The following AKAP9 variants were observed in gnomAD, a reference collection of about 807,000 sequenced individuals.
The protein encoded by AKAP9 is A-kinase anchoring protein 9.
AKAP9 carries 311 observed loss-of-function variants against 488.5 expected under a neutral mutation model. The observed-to-expected ratio is 0.64, with a 90% confidence interval of 0.58 to 0.70. The LOEUF is 0.70. AKAP9 is among the 30% of genes least tolerant of loss of function. The pLI, the probability that AKAP9 is intolerant of heterozygous loss-of-function variation, is 0.00. For missense variants in AKAP9, 4,215 were observed against 4,374.5 expected, an observed-to-expected ratio of 0.96 and a Z score of 1.03; for synonymous variants, 1,462 against 1,483.5, an observed-to-expected ratio of 0.99 and a Z score of 0.33.
At chr7:91,980,153 G>A in intron 2 of AKAP9, 136 bp from the exon 3 acceptor site, 1 of 493,262 alleles carries the variant, frequency 2.0e-6, no homozygotes, top group South Asian at 3.7e-5. Context: ...TTAAAGATTT[G>A]AGTAATTTTT....
chr7:91,941,914 A>ATGTG lies in AKAP9; in HGVS notation c.48+767_48+768insTGTG, dbSNP rs1584499302. ...TGTGTGTGTGTGTGTGTGTGTGTGA[A>ATGTG]CGGTTATGGAAAAGCCTGTAAAGCA... On this transcript the variant is annotated intron_variant, in intron 1 of 49. Coordinates refer to ENST00000356239, the MANE Select transcript of AKAP9 (RefSeq NM_005751.5). Among the ~76,000 whole-genome samples, 8 of 89,338 alleles carry ATGTG rather than the reference A, an allele frequency of 9.0e-5. No homozygotes were observed. In the East Asian group the frequency reaches 3.2e-3, roughly 36 times the overall value. The allele number at this position is 89,338 out of a possible 152,430, so 58.6% of individuals were successfully genotyped here.
chr7:91,987,758 A>G (rs1797282702), intron 3 of AKAP9, among the ~76,000 whole-genome samples: 1 of 152,194 alleles, frequency 6.6e-6, no homozygotes, highest in African/African-American at 2.4e-5. Context: ...ATATCCACCT[A>G]TTCAGGAGGC....
chr7:92,012,180 CAA>C (rs2130701468), intron 8 of AKAP9, among the ~76,000 whole-genome samples: 1 of 152,106 alleles, frequency 6.6e-6, no homozygotes, highest in East Asian at 1.9e-4. Flanking sequence ...AACAAAAAAT[CAA>C]AGATGAGTCA....
intron 45 of AKAP9, among the ~76,000 whole-genome samples, chr7:92,101,599 GT>G (rs1817532953): frequency 6.6e-6 from 1 of 152,148 alleles, no homozygotes; most frequent in Non-Finnish European, 1.5e-5. Context: ...TGGGCTCATG[GT>G]TCCACTTTCC....
Position 92,096,990 on chromosome 7 carries a change from T to A in AKAP9, c.10031T>A (p.Leu3344Gln). The change falls in exon 41 of 50, where the codon CTA becomes CAA. Residue 3344 changes from leucine (L) to glutamine (Q), a missense_variant. By Grantham distance (113) the Leu-to-Gln change is moderately radical. Around this residue, in one of 5 missense-constraint regions of AKAP9, gnomAD observed 1,476 missense variants for 1,477.4 expected, o/e 1.00. Transcript: ENST00000356239. ...CGGCCACCCTTGCCCTCAGAGGACCTACTGAAAGAGCTGCAGAAACAGCTA... is the reference window on the plus strand; with the variant it reads ...CGGCCACCCTTGCCCTCAGAGGACCAACTGAAAGAGCTGCAGAAACAGCTA... The part of the protein sequence containing the change: ...QSRPPLPSED[L>Q]LKELQKQLEE... 1.2e-6 allele frequency: 2 copies of A among 1,614,146 alleles called. No homozygotes were observed. The highest frequency in any genetic ancestry group is 1.1e-5 in the South Asian group (1 of 91,086).
intron 1 of AKAP9, among the ~76,000 whole-genome samples, chr7:91,954,782 T>G (rs1792736200): frequency 1.3e-5 from 2 of 152,138 alleles, no homozygotes; most frequent in South Asian, 4.1e-4. Context: ...CTATTTTTTG[T>G]AAAGATCCCC....
intron 47 of AKAP9, among the ~76,000 whole-genome samples, chr7:92,106,379 G>A (rs1818510170): frequency 6.6e-6 from 1 of 151,308 alleles, no homozygotes; most frequent in African/African-American, 2.4e-5. Flanking sequence ...ATGAAAAATC[G>A]AGGCATGGAA....
intron 27 of AKAP9, among the ~76,000 whole-genome samples, chr7:92,070,441 TTTG>T (rs1811525237): frequency 8.1e-6 from 1 of 123,914 alleles, no homozygotes; most frequent in Non-Finnish European, 1.7e-5. Context: ...TTTGTTTTGT[TTTG>T]TTTTTTGGAG....
At chr7:92,095,578 C>T (rs1816425813) in intron 40 of AKAP9, among the ~76,000 whole-genome samples, 1 of 152,138 alleles carries the variant, frequency 6.6e-6, no homozygotes, top group African/African-American at 2.4e-5. Context: ...AACATTGGCC[C>T]CTTTCAGAGA....
At chr7:92,093,062 G>T (rs755223283) in intron 38 of AKAP9, 35 bp from the exon 39 acceptor site, 2 of 1,558,518 alleles carry the variant, frequency 1.3e-6, no homozygotes, top group Admixed American at 1.7e-5. Flanking sequence ...TGAGTTGCTT[G>T]ATTATGTTTC....
In AKAP9 at chr7:92,083,586, T is replaced by C; in HGVS notation, c.8577T>C (p.Val2859=). The change falls in exon 33 of 50, where the codon GTT becomes GTC. Residue 2859 remains valine (V), a synonymous_variant. Transcript: ENST00000356239. ...ETETLKREHY[V]AVQLLKEECG... ...AAACCTTAAAGAGGGAACACTATGT[T>C]GCCGTTCAGTTACTGAAAGAGGAAT... The C allele has an allele frequency of 6.2e-7, 1 of 1,603,352 alleles. No individual in the cohort carries two copies. The highest frequency in any genetic ancestry group is 1.1e-5 in the South Asian group (1 of 88,564).
At chr7:91,963,109 C>T (rs1272723961) in intron 1 of AKAP9, among the ~76,000 whole-genome samples, 1 of 152,082 alleles carries the variant, frequency 6.6e-6, no homozygotes, top group African/African-American at 2.4e-5. Context: ...TTAAACAATG[C>T]ACCTAGAATT....
At chr7:92,009,087 G>T in intron 8 of AKAP9, among the ~76,000 whole-genome samples, 1 of 152,008 alleles carries the variant, frequency 6.6e-6, no homozygotes, top group East Asian at 1.9e-4. Flanking sequence ...GGATGGCTGA[G>T]ACAGGAGGAG....
intron 49 of AKAP9, chr7:92,109,074 T>C (rs897676123): frequency 1.5e-5 from 4 of 271,156 alleles, no homozygotes; most frequent in Non-Finnish European, 2.8e-5. Flanking sequence ...AAGAAAGTGG[T>C]AAGGCATGCA....
At chr7:92,027,012 G>A (rs1289415036) in intron 14 of AKAP9, among the ~76,000 whole-genome samples, 4 of 138,858 alleles carry the variant, frequency 2.9e-5, no homozygotes, top group Non-Finnish European at 4.6e-5. Flanking sequence ...GAGCGCCTCT[G>A]CCCGGCTGCC....
intron 12 of AKAP9, among the ~76,000 whole-genome samples, chr7:92,017,740 T>C (rs1436581151): frequency 1.3e-5 from 2 of 152,202 alleles, no homozygotes; most frequent in Non-Finnish European, 2.9e-5. Context: ...GTGAAAGTTA[T>C]AATGTTGATG....
chr7:91,983,376 T>A (rs186963077), intron 3 of AKAP9, among the ~76,000 whole-genome samples: 4 of 152,328 alleles, frequency 2.6e-5, no homozygotes, highest in Non-Finnish European at 5.9e-5. Context: ...GCAAAGGACA[T>A]GAACTCATCC....
chr7:92,087,833 T>C (rs553298803), intron 37 of AKAP9, among the ~76,000 whole-genome samples: 2 of 151,318 alleles, frequency 1.3e-5, no homozygotes, highest in Non-Finnish European at 2.9e-5. Flanking sequence ...TGACAAATTA[T>C]AAGCCAAAGA....
intron 49 of AKAP9, 107 bp from the exon 50 acceptor site, chr7:92,110,015 A>G (rs970076084): frequency 1.1e-6 from 1 of 890,280 alleles, no homozygotes; most frequent in South Asian, 1.4e-5. Flanking sequence ...AAAGGGCTTT[A>G]AAAAAATGGA....
Sources: gnomAD v4.1 joint callset for allele counts (sites outside exome capture counted in the v4.1 genomes callset) on GRCh38, gnomAD v4.1.1 for gene constraint, gnomAD v4.1.1 regional missense constraint, MANE v1.5 for transcripts, NCBI Gene and HGNC (gene_info 2026-07-23, HGNC 2026-07-21) for gene names.